GPR137C: variants seen among roughly 807,000 people sequenced by gnomAD.
GPR137C encodes integral membrane protein GPR137C.
In GPR137C, 27 loss-of-function variants were observed where a neutral mutation model predicts 43.4. The observed-to-expected ratio is 0.62, with a 90% CI of 0.46 to 0.86. GPR137C has a LOEUF of 0.86. GPR137C is among the 40% of genes least tolerant of loss of function. The probability of loss-of-function intolerance (pLI) is 0.00; values close to 1 mark genes in which losing one functional copy is unlikely to be tolerated. For missense variants in GPR137C, 522 were observed against 534.6 expected (o/e 0.98, Z 0.23); for synonymous variants, 285 against 226.9 (o/e 1.26, Z -2.30).
At chr14:52,573,066 A>G (rs1189965561) in intron 1 of GPR137C, among the ~76,000 whole-genome samples, 1 of 152,236 alleles carries the variant, frequency 6.6e-6, no homozygotes. Flanking sequence ...GCTCAAGGAA[A>G]TAAGAGAGGA....
Position 52,600,218 on chromosome 14 carries a change from G to T in GPR137C, c.594G>T (p.Lys198Asn). 1.2e-6 allele frequency: 2 copies of T among 1,613,684 alleles called. No homozygotes were observed. Among genetic ancestry groups the T allele is most frequent in the Non-Finnish European group, 8.5e-7 (1 of 1,179,638 alleles). ...VHGDVPENQLKWTVFVRALIN... is the reference protein window; with the variant it reads ...VHGDVPENQLNWTVFVRALIN... Reference sequence around the variant, plus strand: ...GAGATGTCCCAGAAAATCAGTTGAAGTGGACTGTGTTTGTTCGAGCATTAA... The same window carrying T: ...GAGATGTCCCAGAAAATCAGTTGAATTGGACTGTGTTTGTTCGAGCATTAA... The change falls in exon 3 of 7, where the codon AAG (lysine) becomes AAT (asparagine). Residue 198 changes from lysine to asparagine, a missense_variant. By Grantham distance (94) the Lys-to-Asn change is moderately conservative. This residue lies in a region of GPR137C where 437 missense variants were observed against 425.7 expected (regional missense o/e 1.03). Transcript: ENST00000321662.
intron 1 of GPR137C, among the ~76,000 whole-genome samples, chr14:52,591,588 G>A (rs1193001515): frequency 2.0e-5 from 3 of 152,188 alleles, no homozygotes; most frequent in East Asian, 1.9e-4. Context: ...GTGATGATGA[G>A]TATTTTTTCA....
intron 3 of GPR137C, chr14:52,611,928 A>AT (rs1256305130): frequency 2.0e-6 from 2 of 984,272 alleles, no homozygotes; most frequent in Non-Finnish European, 1.2e-6. Context: ...TCATCATCAT[A>AT]TTTTGACATA....
intron 1 of GPR137C, among the ~76,000 whole-genome samples, chr14:52,560,489 A>T (rs927511380): frequency 4.6e-5 from 7 of 152,218 alleles, no homozygotes; most frequent in Non-Finnish European, 8.8e-5. Context: ...AAGTTGAAGG[A>T]TCGCACTACT....
chr14:52,585,393 T>G (rs934695250), intron 1 of GPR137C, among the ~76,000 whole-genome samples: 2 of 152,044 alleles, frequency 1.3e-5, no homozygotes, highest in East Asian at 3.9e-4. Flanking sequence ...TCTCTCTCGC[T>G]CTGTCTCTCA....
At chr14:52,604,939 C>T (rs2038967893) in intron 3 of GPR137C, among the ~76,000 whole-genome samples, 1 of 152,138 alleles carries the variant, frequency 6.6e-6, no homozygotes, top group Admixed American at 6.5e-5. Context: ...ATGCCAGTAC[C>T]ATGCTGTTTT....
chr14:52,596,749 A>G (rs1438174491), intron 1 of GPR137C, among the ~76,000 whole-genome samples: 2 of 152,172 alleles, frequency 1.3e-5, no homozygotes, highest in African/African-American at 4.8e-5. Context: ...TTGCTTAGGA[A>G]AGGGAAATTC....
At chr14:52,582,486 G>A (rs543846309) in intron 1 of GPR137C, among the ~76,000 whole-genome samples, 10 of 152,236 alleles carry the variant, frequency 6.6e-5, no homozygotes, top group Middle Eastern at 3.4e-3. Context: ...AGACATATAA[G>A]TCTGCATTTT....
At chr14:52,585,433 G>A (rs1044917010) in intron 1 of GPR137C, among the ~76,000 whole-genome samples, 3 of 151,876 alleles carry the variant, frequency 2.0e-5, no homozygotes, top group African/African-American at 7.3e-5. Flanking sequence ...CTTCTACTTC[G>A]CCCTCTATTT....
At chr14:52,568,776 G>T (rs2038415154) in intron 1 of GPR137C, among the ~76,000 whole-genome samples, 1 of 152,248 alleles carries the variant, frequency 6.6e-6, no homozygotes, top group East Asian at 1.9e-4. Context: ...ATCTCTGAAA[G>T]AAAGGCAGCA....
chr14:52,621,955 A>T (rs1293783050), intron 3 of GPR137C, among the ~76,000 whole-genome samples: 1 of 150,988 alleles, frequency 6.6e-6, no homozygotes, highest in East Asian at 1.9e-4. Context: ...CATGTTTTAT[A>T]AAAAAATTTT....
At position 52,619,980 on chromosome 14, in the gene GPR137C, C is replaced by T. The variant is rs371564623; in HGVS notation, c.718-12180C>T. 1.6e-4 allele frequency among the ~76,000 whole-genome samples: 24 copies of T among 152,118 alleles called. 1 individual carries two copies. The highest frequency in any genetic ancestry group is 5.8e-4 in the African/African-American group (24 of 41,516). On this transcript the variant is annotated intron_variant, in intron 3 of 6. Coordinates refer to ENST00000321662, the MANE Select transcript of GPR137C (RefSeq NM_001099652.2). ...CTATGTCTGGTAATGGCTAAGATTG[C>T]TCCTAATGGACCAACTTTCCACAGA...
At chr14:52,634,791 G>A (rs2039333390) in intron 6 of GPR137C, 147 bp from the exon 7 acceptor site, 1 of 673,772 alleles carries the variant, frequency 1.5e-6, no homozygotes, top group Non-Finnish European at 2.5e-6. Flanking sequence ...TTGTAGAAAA[G>A]CATTTTGTTA....
In GPR137C at chr14:52,553,411, C is replaced by G. The variant is rs756104972; in HGVS notation, c.264C>G (p.Leu88=). The G allele has an allele frequency of 6.2e-7, 1 of 1,608,688 alleles. No homozygotes were observed. Among genetic ancestry groups the G allele is most frequent in the African/African-American group, 1.3e-5 (1 of 75,068 alleles). ...RLSYQSLCLF[L]CLLWAALRTT... ...GTTACCAGAGCCTCTGCCTCTTCCTCTGTCTCCTGTGGGCAGCGCTCAGGA... is the reference window on the plus strand; with the variant it reads ...GTTACCAGAGCCTCTGCCTCTTCCTGTGTCTCCTGTGGGCAGCGCTCAGGA... Residue 88 remains leucine, a synonymous_variant, in exon 1 of 7, where the codon CTC becomes CTG. Transcript: ENST00000321662.
At chr14:52,617,852 A>G (rs1462224025) in intron 3 of GPR137C, among the ~76,000 whole-genome samples, 1 of 152,196 alleles carries the variant, frequency 6.6e-6, no homozygotes, top group Non-Finnish European at 1.5e-5. Context: ...ATGGGTTGCT[A>G]TGAGGATAAG....
chr14:52,581,350 T>A (rs2038643896), intron 1 of GPR137C, among the ~76,000 whole-genome samples: 1 of 146,196 alleles, frequency 6.8e-6, no homozygotes, highest in African/African-American at 2.5e-5. Flanking sequence ...CCAGCCAACA[T>A]GGTGAGATGC....
In GPR137C at chr14:52,600,217, A is replaced by G; in HGVS notation, c.593A>G (p.Lys198Arg). Residue 198 changes from lysine to arginine, a missense_variant, in exon 3 of 7, where the codon AAG becomes AGG. Coordinates refer to ENST00000321662, the MANE Select transcript of GPR137C (RefSeq NM_001099652.2). ...VHGDVPENQL[K>R]WTVFVRALIN... ...GGAGATGTCCCAGAAAATCAGTTGA[A>G]GTGGACTGTGTTTGTTCGAGCATTA... 1 of 1,613,742 alleles carries G rather than the reference A, an allele frequency of 6.2e-7. No homozygotes were observed. The highest frequency in any genetic ancestry group is 2.2e-5 in the East Asian group (1 of 44,866).
At chr14:52,568,579 C>T (rs2038410713) in intron 1 of GPR137C, among the ~76,000 whole-genome samples, 1 of 152,148 alleles carries the variant, frequency 6.6e-6, no homozygotes, top group African/African-American at 2.4e-5. Context: ...ACCAGCACAG[C>T]GAGACCTGAG....
chr14:52,618,400 T>G (rs2039123175), intron 3 of GPR137C, among the ~76,000 whole-genome samples: 1 of 152,196 alleles, frequency 6.6e-6, no homozygotes, highest in Non-Finnish European at 1.5e-5. Flanking sequence ...ATTGCTAACA[T>G]TTTAAGTGTG....
Sources: gnomAD v4.1 joint callset for allele counts (sites outside exome capture counted in the v4.1 genomes callset) on GRCh38, gnomAD v4.1.1 for gene constraint, gnomAD v4.1.1 regional missense constraint, MANE v1.5 for transcripts, NCBI Gene and HGNC (gene_info 2026-07-23, HGNC 2026-07-21) for gene names.